Variants in PCDH9 observed in about 807,000 individuals in gnomAD.
PCDH9 encodes protocadherin-9.
Under a neutral mutation model 70.6 loss-of-function variants are expected in PCDH9, and 24 were observed. That is an observed-to-expected ratio of 0.34 (90% CI 0.25 to 0.48). The LOEUF is 0.48. Among genes scored for constraint, PCDH9 ranks in the 20% least tolerant of loss-of-function variants. The pLI, the probability that PCDH9 is intolerant of heterozygous loss-of-function variation, is 0.99. For synonymous variants in PCDH9, 562 were observed against 558.5 expected, an observed-to-expected ratio of 1.01 and a Z score of -0.09; for missense variants, 1,281 against 1,503.6, an observed-to-expected ratio of 0.85 and a Z score of 2.45.
intron 4 of PCDH9, among the ~76,000 whole-genome samples, chr13:66,524,843 A>G (rs1268222561): frequency 6.6e-6 from 1 of 152,120 alleles, no homozygotes; most frequent in African/African-American, 2.4e-5. Flanking sequence ...AATGGGGAGT[A>G]TCATTTTGAA....
At chr13:67,081,869 A>G (rs1239701225) in intron 2 of PCDH9, among the ~76,000 whole-genome samples, 4 of 152,008 alleles carry the variant, frequency 2.6e-5, no homozygotes, top group Non-Finnish European at 5.9e-5. Flanking sequence ...TCTTTATTCA[A>G]TGTTTCTTCT....
rs78489324 is a variant in PCDH9, at chr13:66,503,792, C to T, written c.3340+127418G>A. On this transcript the variant is annotated intron_variant, in intron 4 of 4. Transcript: ENST00000377865. ...GTGGGTACTTCTTTTTTCTCCTGTC[C>T]CTTTCACTCAGATTGCAAACATTTA... Among the ~76,000 whole-genome samples the T allele has an allele frequency of 7.0e-3, 1,067 of 152,140 alleles. 34 individuals carry two copies. The East Asian group carries it at 0.091, about 13-fold the overall frequency.
chr13:66,416,692 G>A (rs1957467070), intron 4 of PCDH9, among the ~76,000 whole-genome samples: 1 of 152,134 alleles, frequency 6.6e-6, no homozygotes, highest in African/African-American at 2.4e-5. Context: ...TGGAGGTGGA[G>A]GCAAAATGCA....
intron 4 of PCDH9, among the ~76,000 whole-genome samples, chr13:66,455,314 G>A (rs1958297276): frequency 6.6e-6 from 1 of 151,412 alleles, no homozygotes; most frequent in Admixed American, 6.6e-5. Flanking sequence ...AAGTAGAATT[G>A]TGTTTTTGAA....
At chr13:66,429,869 A>C (rs1236155542) in intron 4 of PCDH9, among the ~76,000 whole-genome samples, 1 of 152,080 alleles carries the variant, frequency 6.6e-6, no homozygotes, top group Non-Finnish European at 1.5e-5. Flanking sequence ...TCTTGATCGT[A>C]CTTAGCATTA....
intron 4 of PCDH9, among the ~76,000 whole-genome samples, chr13:66,605,675 TTTTA>T (rs986866564): frequency 6.6e-6 from 1 of 152,136 alleles, no homozygotes; most frequent in Non-Finnish European, 1.5e-5. Flanking sequence ...TATTTAACAT[TTTTA>T]TTTATTTATC....
intron 3 of PCDH9, among the ~76,000 whole-genome samples, chr13:66,825,411 A>G (rs1228635313): frequency 2.3e-5 from 3 of 129,818 alleles, no homozygotes; most frequent in Non-Finnish European, 4.6e-5. Context: ...ATCTCGACTC[A>G]CTGCAAGCTC....
intron 4 of PCDH9, among the ~76,000 whole-genome samples, chr13:66,408,129 G>C (rs1455760424): frequency 1.3e-5 from 2 of 149,348 alleles, no homozygotes. Context: ...CGCAATCTCG[G>C]CTCACTGCAA....
intron 3 of PCDH9, among the ~76,000 whole-genome samples, chr13:66,706,372 T>C (rs557933908): frequency 1.3e-5 from 2 of 152,304 alleles, no homozygotes; most frequent in Admixed American, 6.5e-5. Context: ...CTGTGCAAAT[T>C]TGGACGAGTT....
At chr13:66,385,112 G>A (rs913480367) in intron 4 of PCDH9, among the ~76,000 whole-genome samples, 6 of 151,944 alleles carry the variant, frequency 3.9e-5, no homozygotes, top group African/African-American at 1.5e-4. Flanking sequence ...ATCATGCAGT[G>A]TTTTCTTTCT....
At chr13:67,214,897 C>A (rs2089553770) in intron 2 of PCDH9, 1 of 123,750 alleles carries the variant, frequency 8.1e-6, no homozygotes, top group African/African-American at 3.0e-5. Flanking sequence ...GGTAGAAAAA[C>A]AGGTAACATT....
At chr13:67,146,665 A>C (rs183548723) in intron 2 of PCDH9, among the ~76,000 whole-genome samples, 98 of 152,282 alleles carry the variant, frequency 6.4e-4, no homozygotes, top group African/African-American at 2.3e-3. Context: ...AATCTTTGAG[A>C]CTGTTCACAT....
At chr13:66,714,812 T>C (rs778877088) in intron 3 of PCDH9, among the ~76,000 whole-genome samples, 1 of 152,164 alleles carries the variant, frequency 6.6e-6, no homozygotes, top group Non-Finnish European at 1.5e-5. Context: ...GAAACTTAAA[T>C]AGCATTAAGA....
At chr13:66,929,556 T>C (rs2082772847) in intron 2 of PCDH9, among the ~76,000 whole-genome samples, 1 of 152,114 alleles carries the variant, frequency 6.6e-6, no homozygotes, top group Non-Finnish European at 1.5e-5. Context: ...ACTCCAGACC[T>C]CAGGTGATCC....
At chr13:66,401,772 C>G (rs58409481) in intron 4 of PCDH9, among the ~76,000 whole-genome samples, 1,600 of 49,700 alleles carry the variant, frequency 0.032, 26 homozygotes, top group African/African-American at 0.11. Context: ...GTACCTCCTG[C>G]CCAACTACTC....
chr13:66,610,595 C>G (rs895211527), intron 4 of PCDH9, among the ~76,000 whole-genome samples: 10 of 152,052 alleles, frequency 6.6e-5, no homozygotes, highest in African/African-American at 1.7e-4. Context: ...GCTCAAAATA[C>G]CTGAACTTCT....
intron 2 of PCDH9, among the ~76,000 whole-genome samples, chr13:67,083,914 G>A (rs987027955): frequency 1.3e-5 from 2 of 152,134 alleles, no homozygotes; most frequent in African/African-American, 4.8e-5. Context: ...GTAAATGTAG[G>A]ACACGGATTA....
chr13:66,697,357 C>T (rs777080125), intron 3 of PCDH9, among the ~76,000 whole-genome samples: 1 of 151,838 alleles, frequency 6.6e-6, no homozygotes, highest in South Asian at 2.1e-4. Context: ...TAGAGTAGAA[C>T]AACAGAAGAG....
At chr13:66,450,213 A>C (rs957184009) in intron 4 of PCDH9, among the ~76,000 whole-genome samples, 4 of 152,192 alleles carry the variant, frequency 2.6e-5, no homozygotes, top group Non-Finnish European at 4.4e-5. Flanking sequence ...AGTTAATACC[A>C]CAATAAACAA....
Sources: gnomAD v4.1 joint callset for allele counts (sites outside exome capture counted in the v4.1 genomes callset) on GRCh38, gnomAD v4.1.1 for gene constraint, MANE v1.5 for transcripts, NCBI Gene and HGNC (gene_info 2026-07-23, HGNC 2026-07-21) for gene names.